Variants in C8B observed in about 807,000 individuals in gnomAD.
C8B encodes the protein complement component C8 beta chain.
Under a neutral mutation model 64.6 loss-of-function variants are expected in C8B, and 67 were observed. The observed-to-expected ratio is 1.04, with a 90% CI of 0.85 to 1.27. The LOEUF is 1.27. C8B is among the 50% of genes most tolerant of loss of function. The pLI is 0.00. For missense variants in C8B, 790 were observed against 725.2 expected (o/e 1.09, Z -1.03); for synonymous variants, 284 against 257.7 (o/e 1.10, Z -0.98).
At chr1:56,955,727 T>A (rs560689335) in intron 3 of C8B, among the ~76,000 whole-genome samples, 1 of 152,272 alleles carries the variant, frequency 6.6e-6, no homozygotes, top group South Asian at 2.1e-4. Context: ...TCTCTCAGAT[T>A]TATTGGATAG....
chr1:56,931,809 C>G lies in C8B; in HGVS notation c.1621+1G>C. Reference sequence around the variant, plus strand: ...CAGAGTTCCTTTTCCAATTAACTTACTCTTCCGATAGGAGACCTCACAGGC... The same window carrying G: ...CAGAGTTCCTTTTCCAATTAACTTAGTCTTCCGATAGGAGACCTCACAGGC... On this transcript the variant is annotated splice_donor_variant, in intron 11 of 11. Coordinates refer to ENST00000371237, the MANE Select transcript of C8B (RefSeq NM_000066.4). LOFTEE classifies it high-confidence loss of function. The G allele has an allele frequency of 3.1e-6, 5 of 1,605,100 alleles. No individual in the cohort carries two copies. Among genetic ancestry groups the G allele is most frequent in the Non-Finnish European group, 4.3e-6 (5 of 1,173,010 alleles).
intron 11 of C8B, among the ~76,000 whole-genome samples, chr1:56,931,443 T>C (rs560232499): frequency 2.6e-3 from 389 of 152,202 alleles, no homozygotes; most frequent in African/African-American, 8.7e-3. Flanking sequence ...GCTCATTCTT[T>C]GGGGATTAGA....
Position 56,965,973 on chromosome 1 carries a change from A to G in C8B, c.-25T>C. 6.2e-7 allele frequency: 1 copy of G among 1,613,196 alleles called. No homozygotes were observed. Among genetic ancestry groups the G allele is most frequent in the Non-Finnish European group, 8.5e-7 (1 of 1,179,980 alleles). ...TTTTCCCAATGTGACAGGAGATGCC[A>G]CAGAGGCTGCTAGACCCATAACAAG... On this transcript the variant is annotated 5_prime_UTR_variant, in exon 1 of 12. Coordinates refer to ENST00000371237, the MANE Select transcript of C8B (RefSeq NM_000066.4).
At chr1:56,946,848 A>G (rs898460853) in intron 6 of C8B, among the ~76,000 whole-genome samples, 10 of 152,180 alleles carry the variant, frequency 6.6e-5, no homozygotes, top group Non-Finnish European at 1.3e-4. Context: ...CCTGTGAGAT[A>G]TGTTCGGCCT....
chr1:56,933,166 C>T (rs1303995215), intron 10 of C8B, among the ~76,000 whole-genome samples, 169 bp downstream of exon 10: 1 of 152,150 alleles, frequency 6.6e-6, no homozygotes, highest in Non-Finnish European at 1.5e-5. Flanking sequence ...GATGCTGTCA[C>T]CCACGGTAAC....
chr1:56,951,748 A>C (rs2101432697), intron 5 of C8B, among the ~76,000 whole-genome samples: 1 of 152,248 alleles, frequency 6.6e-6, no homozygotes, highest in Non-Finnish European at 1.5e-5. Context: ...GATTATATGG[A>C]TGGTAAGTGG....
At chr1:56,942,928 T>G (rs1207367712) in intron 8 of C8B, among the ~76,000 whole-genome samples, 1 of 150,366 alleles carries the variant, frequency 6.7e-6, no homozygotes, top group Admixed American at 6.6e-5. Flanking sequence ...TAAAATAAAA[T>G]AAATAATAAT....
chr1:56,945,601 G>A (rs183501832), intron 7 of C8B, among the ~76,000 whole-genome samples: 1 of 152,222 alleles, frequency 6.6e-6, no homozygotes, highest in East Asian at 1.9e-4. Flanking sequence ...TAGAACCATG[G>A]GATTGGATAC....
chr1:56,949,624 T>C lies in C8B; in HGVS notation c.795A>G (p.Glu265=). ...SFGFKIPGIF[E]LGISSQSDRG... is the part of the protein sequence containing the mutation. ...GATCACTTTGACTACTGATGCCAAGTTCAAATATTCCAGGTATTTTAAAAC... is the reference window on the plus strand; with the variant it reads ...GATCACTTTGACTACTGATGCCAAGCTCAAATATTCCAGGTATTTTAAAAC... The change falls in exon 6 of 12, where the codon GAA becomes GAG. Residue 265 remains glutamate (E), a synonymous_variant. Coordinates refer to ENST00000371237, the MANE Select transcript of C8B (RefSeq NM_000066.4). The C allele has an allele frequency of 6.2e-7, 1 of 1,614,074 alleles. No individual in the cohort carries two copies. The highest frequency in any genetic ancestry group is 2.2e-5 in the East Asian group (1 of 44,860).
intron 11 of C8B, among the ~76,000 whole-genome samples, chr1:56,931,296 A>G (rs1011968338): frequency 6.6e-6 from 1 of 152,210 alleles, no homozygotes; most frequent in African/African-American, 2.4e-5. Flanking sequence ...GGCTACTGAG[A>G]CACAGAGGTA....
At chr1:56,956,678 T>A in intron 3 of C8B, 91 bp downstream of exon 3, 1 of 1,440,278 alleles carries the variant, frequency 6.9e-7, no homozygotes, top group Non-Finnish European at 9.7e-7. Context: ...ATGACCCTGA[T>A]CTTGAGCACT....
chr1:56,949,864 C>T (rs757905367), intron 5 of C8B, 112 bp from the exon 6 acceptor site: 28 of 786,818 alleles, frequency 3.6e-5, no homozygotes, highest in Non-Finnish European at 5.3e-5. Context: ...GAACTAGATG[C>T]TCTGGATACA....
chr1:56,940,349 C>T (rs1488153557), intron 9 of C8B, among the ~76,000 whole-genome samples: 1 of 151,564 alleles, frequency 6.6e-6, no homozygotes, highest in Non-Finnish European at 1.5e-5. Flanking sequence ...GGGAGGATCA[C>T]TTGAGGTCAG....
At chr1:56,951,502 T>G (rs1485087205) in intron 5 of C8B, among the ~76,000 whole-genome samples, 1 of 152,158 alleles carries the variant, frequency 6.6e-6, no homozygotes, top group East Asian at 1.9e-4. Context: ...AATAGGGGCT[T>G]ACATTGGTAG....
At chr1:56,955,563 GT>G (rs1645090658) in intron 3 of C8B, among the ~76,000 whole-genome samples, 1 of 152,170 alleles carries the variant, frequency 6.6e-6, no homozygotes, top group African/African-American at 2.4e-5. Context: ...TTAAACCAAT[GT>G]TCTTGGAGTG....
At chr1:56,942,636 G>A (rs748751131) in intron 8 of C8B, among the ~76,000 whole-genome samples, 28 of 152,160 alleles carry the variant, frequency 1.8e-4, no homozygotes, top group Admixed American at 7.2e-4. Context: ...CCCGGGAGGC[G>A]GAGGTTGCAG....
chr1:56,946,893 A>T (rs1644951248), intron 6 of C8B, among the ~76,000 whole-genome samples: 1 of 152,220 alleles, frequency 6.6e-6, no homozygotes, highest in Non-Finnish European at 1.5e-5. Flanking sequence ...AAGCCATGCC[A>T]GCTGTGCTGG....
At position 56,956,814 on chromosome 1, in the gene C8B, A is replaced by G. The variant is rs1278736990; in HGVS notation, c.346T>C (p.Cys116Arg). 3.1e-6 allele frequency: 5 copies of G among 1,613,970 alleles called. No individual in the cohort carries two copies. Among genetic ancestry groups the G allele is most frequent in the Middle Eastern group, 1.6e-4 (1 of 6,084 alleles). Reference protein sequence around the residue: ...EVEDCVTNRPCGSQVRCEGFV... With the variant: ...EVEDCVTNRPRGSQVRCEGFV... The stretch of plus-strand genomic sequence containing the variant: ...CCTTCACATCGCACTTGACTTCCGC[A>G]TGGTCTGTTGGTAACACAGTCTTCG... Residue 116 changes from cysteine to arginine, a missense_variant, in exon 3 of 12, where the codon TGC becomes CGC. By Grantham distance (180) the Cys-to-Arg change is radical (BLOSUM62 -3). Coordinates refer to ENST00000371237, the MANE Select transcript of C8B (RefSeq NM_000066.4).
At position 56,952,195 on chromosome 1, in the gene C8B, C is replaced by G. The variant is rs764897887; in HGVS notation, c.534-15G>C. ...ACAAATTTATCCTGTGAGGAAGAGA[C>G]AGAGATGGCGAAGAGGTTAAAGTTT... On this transcript the variant is annotated splice_polypyrimidine_tract_variant and intron_variant, in intron 4 of 11. Transcript: ENST00000371237. The G allele has an allele frequency of 1.2e-6, 2 of 1,614,016 alleles. No homozygotes were observed. Among genetic ancestry groups the G allele is most frequent in the Admixed American group, 1.7e-5 (1 of 60,032 alleles).
Sources: allele counts gnomAD v4.1 joint callset (sites outside exome capture counted in the v4.1 genomes callset), GRCh38; gene constraint gnomAD v4.1.1; transcripts MANE v1.5; gene names NCBI Gene and HGNC (gene_info 2026-07-23, HGNC 2026-07-21).